The following PTPN3 variants were observed in gnomAD, a reference collection of about 807,000 sequenced individuals.
PTPN3 encodes protein tyrosine phosphatase non-receptor type 3, also known as tyrosine-protein phosphatase non-receptor type 3.
PTPN3 carries 96 observed loss-of-function variants against 132.7 expected under a neutral mutation model. That is an observed-to-expected ratio of 0.72 (90% CI 0.61 to 0.86). The LOEUF (loss-of-function observed/expected upper bound fraction) is 0.86, where lower values mean the gene tolerates loss of function less well. Among genes scored for constraint, PTPN3 ranks in the 40% least tolerant of loss-of-function variants. The pLI is 0.00. For missense variants in PTPN3, 1,125 were observed against 1,159.6 expected (o/e 0.97, Z 0.43); for synonymous variants, 398 against 429.0 (o/e 0.93, Z 0.89).
chr9:109,422,970 G>T (rs759648276), intron 12 of PTPN3, 118 bp from the exon 13 acceptor site: 2 of 1,294,216 alleles, frequency 1.5e-6, no homozygotes, highest in African/African-American at 1.5e-5. Flanking sequence ...TTAATGCCAA[G>T]GTTATGGGGA....
intron 1 of PTPN3, among the ~76,000 whole-genome samples, chr9:109,483,465 G>T (rs1305699948): frequency 6.6e-6 from 1 of 152,108 alleles, no homozygotes; most frequent in Non-Finnish European, 1.5e-5. Flanking sequence ...AGCTCTCCGG[G>T]AACTCACAAA....
In PTPN3 at chr9:109,497,358, C is replaced by A. The variant is rs76109823; in HGVS notation, c.-18+861G>T. On this transcript the variant is annotated intron_variant, in intron 1 of 25. Transcript: ENST00000374541. ...CCACTTAATCCACTCAACAACCCAGCGAGGTGGGCATTATTACCAGCTGAT... is the reference window on the plus strand; with the variant it reads ...CCACTTAATCCACTCAACAACCCAGAGAGGTGGGCATTATTACCAGCTGAT... 5.8e-4 allele frequency among the ~76,000 whole-genome samples: 88 copies of A among 152,224 alleles called. 2 individuals are homozygous for A. The East Asian group carries it at 0.013, about 22-fold the overall frequency.
chr9:109,518,611 C>T, the PTPN3 span, among the ~76,000 whole-genome samples: 3 of 152,152 alleles, frequency 2.0e-5, no homozygotes, highest in Non-Finnish European at 4.4e-5. Context: ...GCCAAGACTC[C>T]CCTGCCTCCA....
chr9:109,424,129 G>T (rs1029024984), intron 12 of PTPN3, among the ~76,000 whole-genome samples: 2 of 152,088 alleles, frequency 1.3e-5, no homozygotes, highest in Non-Finnish European at 2.9e-5. Context: ...TGTGTCATGG[G>T]TTATTAATAG....
chr9:109,425,638 G>A (rs1843202289), intron 12 of PTPN3, among the ~76,000 whole-genome samples: 1 of 151,898 alleles, frequency 6.6e-6, no homozygotes, highest in South Asian at 2.1e-4. Flanking sequence ...TTGAACCCAG[G>A]AGACAGAGGT....
intron 1 of PTPN3, among the ~76,000 whole-genome samples, chr9:109,467,800 C>G (rs1846174297): frequency 6.6e-6 from 1 of 152,214 alleles, no homozygotes; most frequent in Non-Finnish European, 1.5e-5. Flanking sequence ...AGCAATGATG[C>G]TGTCCAGCAC....
chr9:109,449,568 G>T, intron 5 of PTPN3: 1 of 985,360 alleles, frequency 1.0e-6, no homozygotes, highest in Non-Finnish European at 1.2e-6. Context: ...CCTGGGGAGC[G>T]GGGAAAGGAG....
chr9:109,515,416 A>AG, the PTPN3 span, among the ~76,000 whole-genome samples: 11 of 152,074 alleles, frequency 7.2e-5, no homozygotes, highest in Admixed American at 2.6e-4. Context: ...TGCTGAGCGC[A>AG]GGGGGGGTCT....
intron 21 of PTPN3, 108 bp from the exon 22 acceptor site, chr9:109,389,487 ATC>A (rs1839884420): frequency 3.4e-6 from 4 of 1,161,054 alleles, no homozygotes; most frequent in South Asian, 1.8e-5. Flanking sequence ...CAGAAAAATT[ATC>A]TCTTTATCAA....
chr9:109,424,496 G>A (rs1843104039), intron 12 of PTPN3, among the ~76,000 whole-genome samples: 1 of 152,248 alleles, frequency 6.6e-6, no homozygotes, highest in African/African-American at 2.4e-5. Flanking sequence ...CAGCAACAGA[G>A]TCGCTGTGCC....
the PTPN3 span, among the ~76,000 whole-genome samples, chr9:109,531,093 T>C: frequency 1.3e-5 from 2 of 152,378 alleles, no homozygotes; most frequent in Non-Finnish European, 2.9e-5. Flanking sequence ...TTGTCTATTT[T>C]GGCTTTTGTT....
chr9:109,438,137 G>A lies in PTPN3; in HGVS notation c.564C>T (p.Val188=), dbSNP rs148263399. ...ACCTGTGCTGCTCATGCAGAGATTC[G>A]ACTTTTGTTAAAAAGTCCTCATTTT... is the stretch of plus-strand genomic sequence containing the variant. The part of the protein sequence containing the change: ...PDQNEDFLTK[V]ESLHEQHSGL... Residue 188 remains valine, a synonymous_variant, in exon 8 of 26, where the codon GTC becomes GTT. Coordinates refer to ENST00000374541, the MANE Select transcript of PTPN3 (RefSeq NM_002829.4). The A allele has an allele frequency of 8.6e-5, 138 of 1,613,630 alleles. No individual in the cohort carries two copies. Among genetic ancestry groups the A allele is most frequent in the Non-Finnish European group, 1.1e-4 (132 of 1,179,880 alleles).
intron 1 of PTPN3, among the ~76,000 whole-genome samples, chr9:109,488,103 T>C (rs1428245393): frequency 6.7e-6 from 1 of 149,646 alleles, no homozygotes; most frequent in South Asian, 2.1e-4. Flanking sequence ...CTTTTTTTTT[T>C]TTTTTTTTTT....
chr9:109,417,114 C>A (rs1588379669), intron 14 of PTPN3, among the ~76,000 whole-genome samples: 1 of 152,216 alleles, frequency 6.6e-6, no homozygotes, highest in Non-Finnish European at 1.5e-5. Context: ...AAGGAACACA[C>A]AATGGCTGAT....
chr9:109,476,813 C>A (rs1043822629), intron 1 of PTPN3, among the ~76,000 whole-genome samples: 2 of 152,252 alleles, frequency 1.3e-5, no homozygotes, highest in African/African-American at 4.8e-5. Flanking sequence ...AGCCACTCAA[C>A]ACCAGCTCTG....
At chr9:109,413,113 AT>A (rs796731863) in intron 14 of PTPN3, among the ~76,000 whole-genome samples, 493 of 142,112 alleles carry the variant, frequency 3.5e-3, no homozygotes, top group East Asian at 8.1e-3. Context: ...TGCCTGGCTA[AT>A]TTTTTTTTTT....
chr9:109,429,478 T>A (rs1169169744), intron 10 of PTPN3, among the ~76,000 whole-genome samples: 1 of 152,236 alleles, frequency 6.6e-6, no homozygotes, highest in Non-Finnish European at 1.5e-5. Flanking sequence ...TGTCACACAG[T>A]AGGCCTGCAA....
intron 2 of PTPN3, among the ~76,000 whole-genome samples, chr9:109,458,868 A>C (rs1320560577): frequency 6.6e-6 from 1 of 152,174 alleles, no homozygotes; most frequent in Non-Finnish European, 1.5e-5. Flanking sequence ...ATTAACTACA[A>C]TTTACTGAAC....
At chr9:109,471,754 C>T (rs1438761618) in intron 1 of PTPN3, among the ~76,000 whole-genome samples, 1 of 152,058 alleles carries the variant, frequency 6.6e-6, no homozygotes, top group Non-Finnish European at 1.5e-5. Flanking sequence ...ATCCTCCTGC[C>T]TCAGGCATCC....
Sources: allele counts gnomAD v4.1 joint callset (sites outside exome capture counted in the v4.1 genomes callset), GRCh38; gene constraint gnomAD v4.1.1; transcripts MANE v1.5; gene names NCBI Gene and HGNC (gene_info 2026-07-23, HGNC 2026-07-21).